The following LARGE1 variants were observed in gnomAD, a reference collection of about 807,000 sequenced individuals.
LARGE1 encodes xylosyl- and glucuronyltransferase LARGE1.
Under a neutral mutation model 87.6 loss-of-function variants are expected in LARGE1, and 43 were observed. The observed-to-expected ratio is 0.49, with a 90% confidence interval of 0.38 to 0.63. The LOEUF (loss-of-function observed/expected upper bound fraction) is 0.63. LARGE1 is among the 30% of genes least tolerant of loss of function. LARGE1 has a pLI of 0.00. For missense variants in LARGE1, 802 were observed against 1,000.2 expected, an observed-to-expected ratio of 0.80 and a Z score of 2.67; for synonymous variants, 434 against 394.6, an observed-to-expected ratio of 1.10 and a Z score of -1.18.
At chr22:33,120,025 C>T in the LARGE1 span, among the ~76,000 whole-genome samples, 2 of 147,026 alleles carry the variant, frequency 1.4e-5, no homozygotes, top group African/African-American at 2.6e-5. Flanking sequence ...TTAATAGTCT[C>T]CTTTTTTCTT....
intron 2 of LARGE1, among the ~76,000 whole-genome samples, chr22:33,720,239 T>A (rs1160525292): frequency 2.0e-5 from 3 of 152,126 alleles, no homozygotes; most frequent in Non-Finnish European, 4.4e-5. Flanking sequence ...TAGATTCTCA[T>A]AAGGAGCCCT....
At chr22:33,776,047 C>T (rs566398183) in intron 1 of LARGE1, among the ~76,000 whole-genome samples, 2 of 152,248 alleles carry the variant, frequency 1.3e-5, no homozygotes, top group South Asian at 2.1e-4. Context: ...GGACCTTTCC[C>T]TCACTGAAAG....
chr22:33,805,680 G>A (rs934148624), intron 1 of LARGE1, among the ~76,000 whole-genome samples: 1 of 151,768 alleles, frequency 6.6e-6, no homozygotes, highest in Non-Finnish European at 1.5e-5. Context: ...GTTGCCATGA[G>A]CCCAGATCAC....
chr22:33,878,376 G>A lies in LARGE1; in HGVS notation c.-83+41619C>T, dbSNP rs1266672991. Among the ~76,000 whole-genome samples the A allele has an allele frequency of 4.0e-5, 6 of 151,824 alleles. No homozygotes were observed. In the South Asian group the frequency reaches 6.2e-4, roughly 16 times the overall value. On this transcript the variant is annotated intron_variant, in intron 1 of 14. Coordinates refer to ENST00000397394, the MANE Select transcript of LARGE1 (RefSeq NM_133642.5). ...AAACTCCTGACCTTGTGATCCGCCC[G>A]CCTCAGCCTCCCAAAGTGCTGGGAT...
the LARGE1 span, among the ~76,000 whole-genome samples, chr22:33,089,280 GTTC>G: frequency 0.08 from 11,739 of 146,018 alleles, 1,473 homozygotes; most frequent in African/African-American, 0.26. Context: ...TCTTCTTCTT[GTTC>G]TTCTTCTTCT....
At chr22:33,578,751 TAC>T (rs963492726) in intron 5 of LARGE1, among the ~76,000 whole-genome samples, 2 of 152,198 alleles carry the variant, frequency 1.3e-5, no homozygotes, top group African/African-American at 4.8e-5. Flanking sequence ...ACATGATTAT[TAC>T]ACAGTGAAAT....
intron 12 of LARGE1, among the ~76,000 whole-genome samples, chr22:33,285,581 G>A (rs868555474): frequency 6.6e-6 from 1 of 152,104 alleles, no homozygotes; most frequent in East Asian, 1.9e-4. Context: ...CTGAGATCAC[G>A]CCACTGTGTT....
intron 13 of LARGE1, among the ~76,000 whole-genome samples, chr22:33,281,794 A>G (rs1930491249): frequency 6.6e-6 from 1 of 152,172 alleles, no homozygotes; most frequent in Non-Finnish European, 1.5e-5. Flanking sequence ...CAGTTTCTTC[A>G]TCTGTATAAA....
chr22:33,077,501 G>T, the LARGE1 span, among the ~76,000 whole-genome samples: 1 of 152,168 alleles, frequency 6.6e-6, no homozygotes, highest in African/African-American at 2.4e-5. Flanking sequence ...GTGGAGAGCA[G>T]ATTGGATATG....
intron 9 of LARGE1, among the ~76,000 whole-genome samples, chr22:33,368,470 G>A (rs1289166864): frequency 7.0e-6 from 1 of 143,754 alleles, no homozygotes; most frequent in Non-Finnish European, 1.5e-5. Context: ...GGAAGTGAAG[G>A]TTGCAGTGAG....
intron 4 of LARGE1, among the ~76,000 whole-genome samples, chr22:33,611,583 T>G (rs1602707137): frequency 6.6e-6 from 1 of 152,158 alleles, no homozygotes. Context: ...GGCTCACAGG[T>G]AGAAGGAACT....
chr22:33,091,423 G>A, the LARGE1 span, among the ~76,000 whole-genome samples: 1 of 152,114 alleles, frequency 6.6e-6, no homozygotes, highest in East Asian at 1.9e-4. Context: ...TAGCCAGTGT[G>A]GTGGCAGGCG....
chr22:33,198,676 C>CACACACACAT (rs60375534), intron 11 of LARGE1, among the ~76,000 whole-genome samples: 6 of 148,460 alleles, frequency 4.0e-5, no homozygotes, highest in African/African-American at 1.0e-4. Context: ...CACACACACA[C>CACACACACAT]GTATCTAAAA....
chr22:33,773,300 C>T (rs1479928340), intron 1 of LARGE1, among the ~76,000 whole-genome samples: 1 of 152,216 alleles, frequency 6.6e-6, no homozygotes, highest in East Asian at 1.9e-4. Context: ...AATTTAAAAG[C>T]CGCACGCAAT....
At chr22:33,332,107 A>C (rs1937793651) in intron 10 of LARGE1, among the ~76,000 whole-genome samples, 2 of 152,096 alleles carry the variant, frequency 1.3e-5, no homozygotes, top group South Asian at 4.1e-4. Context: ...GACTACCTGA[A>C]TTATCAGCTG....
intron 10 of LARGE1, among the ~76,000 whole-genome samples, chr22:33,327,518 A>G (rs1360737456): frequency 2.0e-5 from 3 of 152,216 alleles, no homozygotes; most frequent in Non-Finnish European, 1.5e-5. Context: ...ACAGATGGGA[A>G]AACCGAGGTT....
At chr22:33,395,761 T>C (rs148299810) in intron 7 of LARGE1, among the ~76,000 whole-genome samples, 5 of 152,290 alleles carry the variant, frequency 3.3e-5, no homozygotes, top group Non-Finnish European at 7.3e-5. Context: ...ATTCCTAAAC[T>C]CAGTACTTCT....
At chr22:33,682,389 C>G (rs573836197) in intron 2 of LARGE1, among the ~76,000 whole-genome samples, 108 of 152,306 alleles carry the variant, frequency 7.1e-4, no homozygotes, top group African/African-American at 2.5e-3. Context: ...CCTTCTCCCA[C>G]CCTTCCCACT....
the LARGE1 span, among the ~76,000 whole-genome samples, chr22:33,136,934 T>TCAA: frequency 0.4 from 59,335 of 147,664 alleles, 12,228 homozygotes; most frequent in South Asian, 0.65. Flanking sequence ...AATATTAAGG[T>TCAA]AAAAAAAAAA....
Sources: allele counts gnomAD v4.1 joint callset (sites outside exome capture counted in the v4.1 genomes callset), GRCh38; gene constraint gnomAD v4.1.1; transcripts MANE v1.5; gene names NCBI Gene and HGNC (gene_info 2026-07-23, HGNC 2026-07-21).